Variants in PDE8B observed in about 807,000 individuals in gnomAD.
PDE8B encodes the protein phosphodiesterase 8B, also known as high affinity cAMP-specific and IBMX-insensitive 3',5'-cyclic phosphodiesterase 8B.
Under a neutral mutation model 101.3 loss-of-function variants are expected in PDE8B, and 26 were observed. That is an observed-to-expected ratio of 0.26 (90% confidence interval 0.19 to 0.36). The LOEUF is 0.36. Ranked by LOEUF, PDE8B falls within the 10% of genes least tolerant of loss-of-function variation. The probability of loss-of-function intolerance (pLI) is 1.00; values close to 1 mark genes in which losing one functional copy is unlikely to be tolerated. For synonymous variants in PDE8B, 424 were observed against 429.3 expected, an observed-to-expected ratio of 0.99 and a Z score of 0.15; for missense variants, 810 against 1,163.1, an observed-to-expected ratio of 0.70 and a Z score of 4.42.
intron 10 of PDE8B, among the ~76,000 whole-genome samples, chr5:77,370,635 C>G (rs1314591177): frequency 6.6e-6 from 1 of 152,158 alleles, no homozygotes; most frequent in Admixed American, 6.5e-5. Context: ...ATACAAGTCT[C>G]TTTGTGAATA....
At chr5:77,412,356 A>G in intron 16 of PDE8B, 121 bp downstream of exon 16, 3 of 953,836 alleles carry the variant, frequency 3.1e-6, no homozygotes, top group Non-Finnish European at 3.3e-6. Context: ...TCTGGCTCTC[A>G]TGCCATGTTA....
chr5:77,221,519 T>C (rs1316771807), intron 1 of PDE8B, among the ~76,000 whole-genome samples: 1 of 152,180 alleles, frequency 6.6e-6, no homozygotes, highest in African/African-American at 2.4e-5. Context: ...TATGCGAAGT[T>C]TTGTAGGATG....
intron 1 of PDE8B, among the ~76,000 whole-genome samples, chr5:77,214,275 A>G (rs1260888166): frequency 6.6e-6 from 1 of 152,220 alleles, no homozygotes; most frequent in Non-Finnish European, 1.5e-5. Flanking sequence ...AAGAATCGTT[A>G]TTGACAATAT....
chr5:77,371,307 C>T (rs909275166), intron 10 of PDE8B, among the ~76,000 whole-genome samples: 1 of 152,124 alleles, frequency 6.6e-6, no homozygotes, highest in Admixed American at 6.5e-5. Context: ...CAGATGGGAT[C>T]AAGCTTAATA....
At chr5:77,125,858 T>C in the PDE8B span, among the ~76,000 whole-genome samples, 2 of 151,954 alleles carry the variant, frequency 1.3e-5, no homozygotes, top group Non-Finnish European at 2.9e-5. Context: ...TTTAGGGTGA[T>C]AAAAAAAATT....
At chr5:77,120,267 C>T in the PDE8B span, among the ~76,000 whole-genome samples, 10 of 152,134 alleles carry the variant, frequency 6.6e-5, no homozygotes, top group East Asian at 1.9e-4. Flanking sequence ...CAGATGTGGG[C>T]GTACAAGTAG....
the PDE8B span, among the ~76,000 whole-genome samples, chr5:77,126,332 T>G: frequency 6.6e-6 from 1 of 152,206 alleles, no homozygotes; most frequent in Non-Finnish European, 1.5e-5. Flanking sequence ...AAATTGTGCC[T>G]TATTTGCCAA....
intron 5 of PDE8B, among the ~76,000 whole-genome samples, chr5:77,336,352 T>G (rs764242054): frequency 1.2e-4 from 18 of 152,172 alleles, no homozygotes; most frequent in Non-Finnish European, 1.8e-4. Flanking sequence ...TTTTCATCAT[T>G]CCCAAATGTG....
chr5:77,410,617 G>A (rs1340682335), intron 14 of PDE8B: 2 of 152,192 alleles, frequency 1.3e-5, no homozygotes, highest in Admixed American at 6.5e-5. Flanking sequence ...GAAGCGGAGC[G>A]AGAGAAGAGC....
chr5:77,371,913 A>AT (rs1486564935), intron 10 of PDE8B, among the ~76,000 whole-genome samples: 2 of 152,122 alleles, frequency 1.3e-5, no homozygotes, highest in African/African-American at 4.8e-5. Flanking sequence ...CATACAATTG[A>AT]TTTTTTGCCG....
chr5:77,401,073 A>AT (rs1488681942), intron 11 of PDE8B, among the ~76,000 whole-genome samples: 3 of 152,068 alleles, frequency 2.0e-5, no homozygotes, highest in Non-Finnish European at 4.4e-5. Context: ...TAAGCTTCAA[A>AT]TTTTTTCATT....
chr5:77,215,212 G>A (rs1296315932), intron 1 of PDE8B, among the ~76,000 whole-genome samples: 1 of 152,198 alleles, frequency 6.6e-6, no homozygotes, highest in Non-Finnish European at 1.5e-5. Flanking sequence ...AGGTCCTAAT[G>A]TCTTGCTTTG....
chr5:77,159,804 A>G, the PDE8B span, among the ~76,000 whole-genome samples: 1 of 152,148 alleles, frequency 6.6e-6, no homozygotes, highest in African/African-American at 2.4e-5. Context: ...TGCCTAGGAT[A>G]TGAAGGGTTG....
chr5:77,218,126 G>C (rs1018908613), intron 1 of PDE8B, among the ~76,000 whole-genome samples: 1 of 152,086 alleles, frequency 6.6e-6, no homozygotes, highest in Non-Finnish European at 1.5e-5. Context: ...TTTTGCTTTT[G>C]GATAATCCAT....
At chr5:77,158,692 C>T in the PDE8B span, among the ~76,000 whole-genome samples, 2 of 152,152 alleles carry the variant, frequency 1.3e-5, no homozygotes, top group Non-Finnish European at 2.9e-5. Context: ...CATGCACGTT[C>T]CTAGGTTGAA....
Position 77,279,626 on chromosome 5 carries a change from G to A in PDE8B, c.340-32368G>A, listed in dbSNP as rs115033706. On this transcript the variant is annotated intron_variant, in intron 1 of 21. Coordinates refer to ENST00000264917, the MANE Select transcript of PDE8B (RefSeq NM_003719.5). ...TTAATTATCACAAGAAGCCTATGATGCAGGTATTAGTATCCACATTTTACA... is the reference window on the plus strand; with the variant it reads ...TTAATTATCACAAGAAGCCTATGATACAGGTATTAGTATCCACATTTTACA... 2.7e-3 allele frequency among the ~76,000 whole-genome samples: 414 copies of A among 152,314 alleles called. 1 individual carries two copies. Among genetic ancestry groups the A allele is most frequent in the African/African-American group, 9.5e-3 (394 of 41,564 alleles).
At chr5:77,316,208 G>A (rs6453299) in intron 2 of PDE8B, among the ~76,000 whole-genome samples, 37,735 of 151,872 alleles carry the variant, frequency 0.25, 4,858 homozygotes, top group Middle Eastern at 0.3. Context: ...GTATACTTCT[G>A]TTCTTTTAGT....
At chr5:77,320,359 T>A (rs1395420907) in intron 2 of PDE8B, among the ~76,000 whole-genome samples, 1 of 152,224 alleles carries the variant, frequency 6.6e-6, no homozygotes, top group Non-Finnish European at 1.5e-5. Flanking sequence ...TTGGCTGAGC[T>A]CTGCTCCAGA....
intron 1 of PDE8B, among the ~76,000 whole-genome samples, chr5:77,247,325 A>T (rs1757147628): frequency 6.6e-6 from 1 of 152,204 alleles, no homozygotes; most frequent in South Asian, 2.1e-4. Context: ...GTTCCGCAGC[A>T]GGAGGTGTGA....
Sources: allele counts gnomAD v4.1 joint callset (sites outside exome capture counted in the v4.1 genomes callset), GRCh38; gene constraint gnomAD v4.1.1; transcripts MANE v1.5; gene names NCBI Gene and HGNC (gene_info 2026-07-23, HGNC 2026-07-21).